Variants in DRC8 observed in about 807,000 individuals in gnomAD.
DRC8 encodes dynein regulatory complex protein 8.
the DRC8 span, chr1:245,083,522 T>C: frequency 6.3e-7 from 1 of 1,587,494 alleles, no homozygotes. Flanking sequence ...TACATATATA[T>C]AAATACATTT....
chr1:245,009,203 T>C, the DRC8 span, among the ~76,000 whole-genome samples: 1 of 151,264 alleles, frequency 6.6e-6, no homozygotes, highest in African/African-American at 2.4e-5. Flanking sequence ...GCCCGGCTAA[T>C]TTGTATTTTT....
chr1:245,102,229 T>A, the DRC8 span, among the ~76,000 whole-genome samples: 1 of 152,202 alleles, frequency 6.6e-6, no homozygotes, highest in Admixed American at 6.5e-5. Flanking sequence ...GAGGCCAAAC[T>A]GTGGTCCTAC....
the DRC8 span, among the ~76,000 whole-genome samples, chr1:245,118,964 A>G: frequency 0.026 from 3,885 of 152,208 alleles, 162 homozygotes; most frequent in East Asian, 0.14. Context: ...GGATTGACTC[A>G]TTCTTGATGA....
the DRC8 span, among the ~76,000 whole-genome samples, chr1:244,974,904 C>T: frequency 1.3e-5 from 2 of 151,718 alleles, no homozygotes; most frequent in Admixed American, 6.6e-5. Flanking sequence ...GTGTTGGCTA[C>T]GCTGGTCTCA....
At chr1:245,024,593 G>T in the DRC8 span, among the ~76,000 whole-genome samples, 1 of 147,784 alleles carries the variant, frequency 6.8e-6, no homozygotes, top group Non-Finnish European at 1.5e-5. Flanking sequence ...TGTTGCCCAG[G>T]CTGGAGTGCA....
chr1:245,046,001 G>C, the DRC8 span, among the ~76,000 whole-genome samples: 19 of 152,220 alleles, frequency 1.2e-4, 1 homozygote, highest in South Asian at 2.9e-3. Context: ...GTGTGAAATA[G>C]CCTTAGGATC....
the DRC8 span, among the ~76,000 whole-genome samples, chr1:245,041,072 T>G: frequency 6.6e-6 from 1 of 152,294 alleles, no homozygotes; most frequent in Non-Finnish European, 1.5e-5. Flanking sequence ...TGGGATGGAA[T>G]AGTTTAGACG....
chr1:245,059,598 A>G, the DRC8 span: 1 of 619,374 alleles, frequency 1.6e-6, no homozygotes, highest in African/African-American at 1.9e-5. Flanking sequence ...TAGGATAACT[A>G]TTCATATTAG....
At chr1:244,970,295 C>G in the DRC8 span, 3 of 744,028 alleles carry the variant, frequency 4.0e-6, no homozygotes, top group Non-Finnish European at 6.8e-6. Flanking sequence ...CAAGGGTCTT[C>G]CTCCCCCGGG....
chr1:245,048,534 C>T, the DRC8 span, among the ~76,000 whole-genome samples: 3 of 151,556 alleles, frequency 2.0e-5, no homozygotes, highest in South Asian at 6.3e-4. Context: ...TAAATAAAAT[C>T]TTTTTATTTA....
the DRC8 span, chr1:245,043,904 A>T: frequency 6.9e-6 from 1 of 144,374 alleles, no homozygotes; most frequent in Non-Finnish European, 1.5e-5. Context: ...TATATAGACA[A>T]TTCAGTTATA....
chr1:245,083,427 A>G, the DRC8 span: 1 of 1,611,350 alleles, frequency 6.2e-7, no homozygotes, highest in Non-Finnish European at 8.5e-7. Flanking sequence ...TACTCATTTT[A>G]TTGCATAATT....
the DRC8 span, among the ~76,000 whole-genome samples, chr1:245,052,965 C>T: frequency 6.6e-6 from 1 of 152,198 alleles, no homozygotes; most frequent in Non-Finnish European, 1.5e-5. Flanking sequence ...ACTAGGGATA[C>T]AGATATGAAT....
the DRC8 span, among the ~76,000 whole-genome samples, chr1:245,067,286 C>G: frequency 6.6e-6 from 1 of 152,206 alleles, no homozygotes; most frequent in Non-Finnish European, 1.5e-5. Context: ...GCCAACATGA[C>G]CACGCCTGGC....
chr1:245,009,227 G>A, the DRC8 span, among the ~76,000 whole-genome samples: 1 of 151,288 alleles, frequency 6.6e-6, no homozygotes, highest in African/African-American at 2.4e-5. Flanking sequence ...AGAGACAGGG[G>A]TTTCACCATG....
At chr1:244,970,724 CCTT>C in the DRC8 span, 11 of 477,662 alleles carry the variant, frequency 2.3e-5, no homozygotes, top group African/African-American at 4.3e-5. Context: ...CCTCCTCCCG[CCTT>C]CTTCTTTCTC....
At chr1:244,976,973 T>C in the DRC8 span, among the ~76,000 whole-genome samples, 1 of 152,252 alleles carries the variant, frequency 6.6e-6, no homozygotes, top group Admixed American at 6.5e-5. Context: ...AGGAGGAAAT[T>C]CTGACACATG....
the DRC8 span, among the ~76,000 whole-genome samples, chr1:244,976,361 G>A: frequency 6.6e-6 from 1 of 152,050 alleles, no homozygotes; most frequent in South Asian, 2.1e-4. Context: ...ATATTTCTGG[G>A]GTAATTTAAT....
chr1:245,085,739 C>T, the DRC8 span, among the ~76,000 whole-genome samples: 1 of 152,110 alleles, frequency 6.6e-6, no homozygotes, highest in Non-Finnish European at 1.5e-5. Context: ...TTGTTAGATG[C>T]ATAAGAAAGA....
Sources: allele counts gnomAD v4.1 joint callset (sites outside exome capture counted in the v4.1 genomes callset), GRCh38; gene constraint gnomAD v4.1.1; transcripts MANE v1.5; gene names NCBI Gene and HGNC (gene_info 2026-07-23, HGNC 2026-07-21).